ABCA1: variants seen among roughly 807,000 people sequenced by gnomAD.
The protein encoded by ABCA1 is ATP binding cassette subfamily A member 1.
In ABCA1, 133 loss-of-function variants were observed where a neutral mutation model predicts 262.5. The ratio of observed to expected loss-of-function variants is 0.51; its 90% CI spans 0.44 to 0.59. ABCA1 has a LOEUF of 0.59. Ranked by LOEUF, ABCA1 falls within the 20% of genes least tolerant of loss-of-function variation. ABCA1 has a pLI of 0.00. For synonymous variants in ABCA1, 1,022 were observed against 1,043.5 expected, an observed-to-expected ratio of 0.98 and a Z score of 0.40; for missense variants, 2,452 against 2,777.5, an observed-to-expected ratio of 0.88 and a Z score of 2.63.
At chr9:104,877,845 A>C (rs1325985658) in intron 5 of ABCA1, among the ~76,000 whole-genome samples, 1 of 152,220 alleles carries the variant, frequency 6.6e-6, no homozygotes, top group African/African-American at 2.4e-5. Context: ...ACTCACTCTT[A>C]TACCAATGTT....
Position 104,814,103 on chromosome 9 carries a change from C to A in ABCA1, c.3901+15G>T. ...TTCAAACAGTAGGACACTGTTTGAT[C>A]TTGCCCTAACAGACCTGGGTCTATG... is the stretch of plus-strand genomic sequence containing the variant. On this transcript the variant is annotated intron_variant, in intron 27 of 49. Coordinates refer to ENST00000374736, the MANE Select transcript of ABCA1 (RefSeq NM_005502.4). The A allele has an allele frequency of 6.2e-7, 1 of 1,611,934 alleles. No homozygotes were observed. The highest frequency in any genetic ancestry group is 8.5e-7 in the Non-Finnish European group (1 of 1,178,268).
intron 5 of ABCA1, among the ~76,000 whole-genome samples, chr9:104,873,901 A>G (rs776805625): frequency 6.6e-6 from 1 of 152,202 alleles, no homozygotes; most frequent in Non-Finnish European, 1.5e-5. Context: ...GATAAGCATC[A>G]AGCCAAGATT....
In ABCA1 at chr9:104,889,159, TA is replaced by T. The variant is rs775267661; in HGVS notation, c.102del (p.Phe34LeufsTer4). Reference sequence around the variant, plus strand: ...CGAACAGAGATCAGGATCAGGAAGATAAATAGAGGCCAGGCCACTTCCAGCA... The same window carrying T: ...CGAACAGAGATCAGGATCAGGAAGATAATAGAGGCCAGGCCACTTCCAGCA... ...QLLLEVAWPL[F>X]IFLILISVRL... is the part of the protein sequence containing the mutation. On this transcript the variant is annotated frameshift_variant, in exon 3 of 50. Transcript: ENST00000374736. LOFTEE classifies it high-confidence loss of function. 1.9e-6 allele frequency: 3 copies of T among 1,614,126 alleles called. No individual in the cohort carries two copies. In the South Asian group the frequency reaches 3.3e-5, roughly 18 times the overall value.
chr9:104,825,303 A>ATTC (rs1392603133), intron 17 of ABCA1, among the ~76,000 whole-genome samples: 3 of 152,198 alleles, frequency 2.0e-5, no homozygotes, highest in Non-Finnish European at 4.4e-5. Context: ...ACCGAAGTGG[A>ATTC]TTCACCTCCA....
chr9:104,794,210 G>A (rs1398536285), intron 40 of ABCA1, among the ~76,000 whole-genome samples, 177 bp downstream of exon 40: 2 of 152,212 alleles, frequency 1.3e-5, no homozygotes, highest in Admixed American at 6.5e-5. Context: ...AAATGGTTGT[G>A]TCACAAAACC....
At chr9:104,800,872 G>A (rs1830273742) in intron 34 of ABCA1, among the ~76,000 whole-genome samples, 1 of 151,916 alleles carries the variant, frequency 6.6e-6, no homozygotes, top group Admixed American at 6.6e-5. Context: ...GTGGGGTGAG[G>A]ACTCCTCAAA....
rs1829074382 is a variant in ABCA1, at chr9:104,788,016, C to T, written c.6108G>A (p.Lys2036=). The T allele has an allele frequency of 6.2e-7, 1 of 1,614,212 alleles. No homozygotes were observed. Among genetic ancestry groups the T allele is most frequent in the Non-Finnish European group, 8.5e-7 (1 of 1,180,034 alleles). ...EWAIRKLGLV[K]YGEKYAGNYS... is the part of the protein sequence containing the mutation. ...AGTTACCAGCATATTTTTCTCCATA[C>T]TTCACGAGGCCCAGTTTCCGAATCG... is the stretch of plus-strand genomic sequence containing the variant. The change falls in exon 46 of 50, where the codon AAG becomes AAA. Residue 2036 remains lysine, a synonymous_variant. Transcript: ENST00000374736.
rs1840271701 is a variant in ABCA1 at position 104,896,801 on chromosome 9, G to T, written c.66+6813C>A. On this transcript the variant is annotated intron_variant, in intron 2 of 49. Coordinates refer to ENST00000374736, the MANE Select transcript of ABCA1 (RefSeq NM_005502.4). The stretch of plus-strand genomic sequence containing the variant: ...GCTGGAGTACAGTAGTATGGTCATA[G>T]CTCACTGCAGCCTTGACCACCTGGA... 1.6e-5 allele frequency among the ~76,000 whole-genome samples: 2 copies of T among 121,484 alleles called. 1 individual carries two copies. Among genetic ancestry groups the T allele is most frequent in the South Asian group, 5.7e-4 (2 of 3,482 alleles). The allele number at this position is 121,484 out of a possible 152,430, so 79.7% of individuals were successfully genotyped here. A position where few individuals can be genotyped will look rare whatever the true frequency, so the allele number is the denominator to read the frequency against.
chr9:104,908,098 T>A (rs1841278106), intron 1 of ABCA1, among the ~76,000 whole-genome samples: 1 of 152,188 alleles, frequency 6.6e-6, no homozygotes, highest in South Asian at 2.1e-4. Flanking sequence ...AAATGCAAAT[T>A]AAAACCACAA....
chr9:104,926,014 G>T (rs921454612), intron 1 of ABCA1, among the ~76,000 whole-genome samples: 1 of 98,032 alleles, frequency 1.0e-5, no homozygotes, highest in African/African-American at 5.3e-5. Flanking sequence ...AACTACGGCC[G>T]TTAAAAAAAA....
At chr9:104,826,901 G>C in intron 16 of ABCA1, 47 bp downstream of exon 16, 1 of 1,552,868 alleles carries the variant, frequency 6.4e-7, no homozygotes, top group Non-Finnish European at 8.9e-7. Flanking sequence ...GACTCCAAAG[G>C]AAGGTCAAAT....
chr9:104,893,278 T>C (rs557859725), intron 2 of ABCA1, among the ~76,000 whole-genome samples: 1 of 151,168 alleles, frequency 6.6e-6, no homozygotes, highest in African/African-American at 2.4e-5. Context: ...AAAAAATAGC[T>C]GGGCATGGTG....
chr9:104,810,141 C>CATATATATAT (rs35876406), intron 29 of ABCA1, among the ~76,000 whole-genome samples: 51 of 126,852 alleles, frequency 4.0e-4, no homozygotes, highest in African/African-American at 5.0e-4. Context: ...ATTCACATTA[C>CATATATATAT]ATATATATAT....
At chr9:104,805,633 C>T (rs568192445) in intron 31 of ABCA1, among the ~76,000 whole-genome samples, 1 of 152,170 alleles carries the variant, frequency 6.6e-6, no homozygotes, top group South Asian at 2.1e-4. Context: ...GGTGAAGAAA[C>T]AGGCCCAGGC....
At chr9:104,801,708 A>AT (rs1006291708) in intron 34 of ABCA1, among the ~76,000 whole-genome samples, 4 of 151,576 alleles carry the variant, frequency 2.6e-5, no homozygotes, top group Non-Finnish European at 4.4e-5. Flanking sequence ...AGCCCAGCTA[A>AT]TTTTTTTGTA....
In ABCA1 at chr9:104,819,988, C is replaced by G. The variant is rs1832167154; in HGVS notation, c.3042G>C (p.Gln1014His). ...ATGGCAAACCAACATCCAGGGCCAT[C>G]TGCTCCATCTCCGCCTTCACGTGCT... Reference protein sequence around the residue: ...SEKHVKAEMEQMALDVGLPSS... With the variant: ...SEKHVKAEMEHMALDVGLPSS... The change falls in exon 21 of 50, where the codon CAG becomes CAC. Residue 1014 changes from glutamine (Q) to histidine (H), a missense_variant. Gln to His is a conservative substitution (Grantham distance 24, BLOSUM62 0). Coordinates refer to ENST00000374736, the MANE Select transcript of ABCA1 (RefSeq NM_005502.4). 2 of 1,613,988 alleles carry G rather than the reference C, an allele frequency of 1.2e-6. No homozygotes were observed. The highest frequency in any genetic ancestry group is 2.2e-5 in the South Asian group (2 of 91,084).
rs547128070 is a variant in ABCA1, at chr9:104,906,474, A to G, written c.-92-2703T>C. ...CAGGAAGCACATGGAGAAGGTTGCT[A>G]AGAAGTAGCATAGAGCCACAGTAGA... is the stretch of plus-strand genomic sequence containing the variant. On this transcript the variant is annotated intron_variant, in intron 1 of 49. Transcript: ENST00000374736. Among the ~76,000 whole-genome samples, 22 of 152,228 alleles carry G rather than the reference A, an allele frequency of 1.4e-4. No homozygotes were observed. The South Asian group carries it at 4.4e-3, about 30-fold the overall frequency.
intron 25 of ABCA1, among the ~76,000 whole-genome samples, chr9:104,815,065 T>C (rs957053328): frequency 6.6e-6 from 1 of 152,188 alleles, no homozygotes; most frequent in Non-Finnish European, 1.5e-5. Context: ...ATTCTGAACC[T>C]ACAGGGAATG....
Position 104,788,537 on chromosome 9 carries a change from C to G in ABCA1, c.5958G>C (p.Gln1986His). The stretch of plus-strand genomic sequence containing the variant: ...CAAACTGAGGGCAGTAGCCCATGTT[C>G]TGATGTACTTCATGGATGTTTGATA... ...SILSNIHEVH[Q>H]NMGYCPQFDA... Residue 1986 changes from glutamine to histidine, a missense_variant, in exon 45 of 50, where the codon CAG becomes CAC. By Grantham distance (24) the Gln-to-His change is conservative. This residue lies in a region of ABCA1 where 752 missense variants were observed against 944.5 expected (regional missense o/e 0.80). Transcript: ENST00000374736. 6.2e-7 allele frequency: 1 copy of G among 1,614,164 alleles called. No individual in the cohort carries two copies. The highest frequency in any genetic ancestry group is 1.1e-5 in the South Asian group (1 of 91,088).
Sources: allele counts gnomAD v4.1 joint callset (sites outside exome capture counted in the v4.1 genomes callset), GRCh38; gene constraint gnomAD v4.1.1; regional missense constraint gnomAD v4.1.1; transcripts MANE v1.5; gene names NCBI Gene and HGNC (gene_info 2026-07-23, HGNC 2026-07-21).